Variants in MICAL2 observed in about 807,000 individuals in gnomAD.
MICAL2 encodes [F-actin]-monooxygenase MICAL2.
A neutral mutation model predicts 127.3 loss-of-function variants in MICAL2; 77 were observed. That is an observed-to-expected ratio of 0.60 (90% CI 0.50 to 0.73). MICAL2 has a LOEUF of 0.73. Among genes scored for constraint, MICAL2 ranks in the 30% least tolerant of loss-of-function variants. The pLI, the probability that MICAL2 is intolerant of heterozygous loss-of-function variation, is 0.00. For synonymous variants in MICAL2, 570 were observed against 551.1 expected, an observed-to-expected ratio of 1.03 and a Z score of -0.48; for missense variants, 1,351 against 1,434.4, an observed-to-expected ratio of 0.94 and a Z score of 0.94.
At chr11:12,118,919 G>GACACTGGT in intron 1 of MICAL2, among the ~76,000 whole-genome samples, 1 of 152,270 alleles carries the variant, frequency 6.6e-6, no homozygotes. Context: ...CAGAATGAAT[G>GACACTGGT]ACACTGGTAT....
chr11:12,134,673 A>G (rs1851697145), intron 1 of MICAL2, among the ~76,000 whole-genome samples: 1 of 152,172 alleles, frequency 6.6e-6, no homozygotes, highest in Non-Finnish European at 1.5e-5. Context: ...TTTGGTTTCA[A>G]GGCACAGAAA....
intron 32 of MICAL2, among the ~76,000 whole-genome samples, chr11:12,341,524 T>A (rs537538037): frequency 6.6e-5 from 10 of 152,194 alleles, no homozygotes; most frequent in Admixed American, 3.9e-4. Flanking sequence ...TCTACTACTA[T>A]CTATTCCAAA....
chr11:12,293,576 C>G, downstream of MICAL2: 1 of 1,609,576 alleles, frequency 6.2e-7, no homozygotes, highest in Non-Finnish European at 8.5e-7. Flanking sequence ...AGCTTCTGAG[C>G]CCCTCTCGCA....
At chr11:12,158,539 A>T (rs1854439441) in intron 2 of MICAL2, among the ~76,000 whole-genome samples, 1 of 152,200 alleles carries the variant, frequency 6.6e-6, no homozygotes, top group African/African-American at 2.4e-5. Flanking sequence ...TGTACTGAAT[A>T]TGTACAGGCT....
chr11:12,312,240 TTCTTA>T (rs1864182689), intron 29 of MICAL2, among the ~76,000 whole-genome samples: 1 of 151,980 alleles, frequency 6.6e-6, no homozygotes, highest in South Asian at 2.1e-4. Context: ...TCATAATCTG[TTCTTA>T]TCTTGATTAT....
At position 12,242,371 on chromosome 11, in the gene MICAL2, G is replaced by A. The variant is rs1468795337; in HGVS notation, c.2495G>A (p.Arg832Lys). 7 of 1,614,018 alleles carry A rather than the reference G, an allele frequency of 4.3e-6. No individual in the cohort carries two copies. The South Asian group carries it at 6.6e-5, about 15-fold the overall frequency. The change falls in exon 19 of 28, where the codon AGG (arginine) becomes AAG (lysine). Residue 832 changes from arginine to lysine, a missense_variant. By Grantham distance (26) the Arg-to-Lys change is conservative (BLOSUM62 2). Coordinates refer to ENST00000683283, the MANE Select transcript of MICAL2 (RefSeq NM_001282663.2). Reference protein sequence around the residue: ...NFATLPSTRPRAQALSGVLWR... With the variant: ...NFATLPSTRPKAQALSGVLWR... The stretch of plus-strand genomic sequence containing the variant: ...GCTACCCTGCCTTCTACCCGCCCGA[G>A]GGCGCAGGCTCTTTCCGGGGTGCTG...
At chr11:12,294,048 C>G (rs1411450638), downstream of MICAL2, 3 of 1,614,044 alleles carry the variant, frequency 1.9e-6, no homozygotes, top group African/African-American at 2.7e-5. Flanking sequence ...CACCTCAAAG[C>G]TGGGGAGCGA....
intron 22 of MICAL2, 135 bp downstream of exon 22, chr11:12,249,381 G>A: frequency 1.6e-6 from 1 of 618,446 alleles, no homozygotes; most frequent in Non-Finnish European, 2.9e-6. Context: ...ACGAAGGTGG[G>A]CAGACATGTG....
intron 32 of MICAL2, among the ~76,000 whole-genome samples, chr11:12,342,661 G>C (rs1938885701): frequency 1.3e-5 from 2 of 152,222 alleles, no homozygotes; most frequent in African/African-American, 4.8e-5. Flanking sequence ...GCTTAGCCAA[G>C]CACAATGCTA....
intron 5 of MICAL2, 75 bp downstream of exon 5, chr11:12,208,214 G>T: frequency 2.5e-6 from 3 of 1,211,978 alleles, no homozygotes; most frequent in Non-Finnish European, 3.6e-6. Flanking sequence ...GCTTCCAAAG[G>T]GTGTTTCTGT....
chr11:12,227,718 C>G (rs1289036478), intron 15 of MICAL2, among the ~76,000 whole-genome samples: 8 of 152,240 alleles, frequency 5.3e-5, no homozygotes, highest in Admixed American at 5.2e-4. Context: ...ACTTTCTCAA[C>G]TTATAGCACC....
intron 2 of MICAL2, among the ~76,000 whole-genome samples, chr11:12,156,093 C>T (rs1854158132): frequency 1.3e-5 from 2 of 152,258 alleles, no homozygotes; most frequent in South Asian, 4.1e-4. Flanking sequence ...AGTGAAGGAG[C>T]GGGCATAGAA....
At chr11:12,202,412 G>A (rs997968260) in intron 3 of MICAL2, among the ~76,000 whole-genome samples, 15 of 152,164 alleles carry the variant, frequency 9.9e-5, no homozygotes, top group Non-Finnish European at 2.2e-4. Flanking sequence ...GCTGCTTTGT[G>A]CCTCAATTTC....
At chr11:12,229,760 T>C (rs1857965081) in intron 15 of MICAL2, among the ~76,000 whole-genome samples, 2 of 152,236 alleles carry the variant, frequency 1.3e-5, no homozygotes, top group Non-Finnish European at 2.9e-5. Flanking sequence ...TCCCTCTGGC[T>C]CTGCTAGAAA....
intron 3 of MICAL2, among the ~76,000 whole-genome samples, chr11:12,167,427 C>A (rs566958610): frequency 3.5e-4 from 54 of 152,258 alleles, no homozygotes; most frequent in African/African-American, 1.1e-3. Flanking sequence ...CAGTTTCCTC[C>A]GTAGATCACA....
chr11:12,308,521 G>A (rs1176658642), intron 29 of MICAL2, among the ~76,000 whole-genome samples: 1 of 151,950 alleles, frequency 6.6e-6, no homozygotes, highest in Non-Finnish European at 1.5e-5. Context: ...TGTTTTTGTT[G>A]CCATTGTAAA....
At chr11:12,186,751 A>T (rs909013475) in intron 3 of MICAL2, among the ~76,000 whole-genome samples, 2 of 152,132 alleles carry the variant, frequency 1.3e-5, no homozygotes, top group Non-Finnish European at 2.9e-5. Context: ...GACTCTGAAC[A>T]TATTGGGCCA....
In MICAL2 at chr11:12,127,244, G is replaced by A. The variant is rs377211287; in HGVS notation, c.-148-11146G>A. Among the ~76,000 whole-genome samples the A allele has an allele frequency of 3.9e-5, 6 of 152,150 alleles. No homozygotes were observed. In the East Asian group the frequency reaches 9.6e-4, roughly 24 times the overall value. ...AGGCATCTCTAGCCTCCAGCCTCCTGGAGCCATTCTTTCACCATTGCTCTA... is the reference window on the plus strand; with the variant it reads ...AGGCATCTCTAGCCTCCAGCCTCCTAGAGCCATTCTTTCACCATTGCTCTA... On this transcript the variant is annotated intron_variant, in intron 1 of 27. Transcript: ENST00000683283.
chr11:12,289,299 C>T (rs891756413), downstream of MICAL2, among the ~76,000 whole-genome samples: 1 of 152,220 alleles, frequency 6.6e-6, no homozygotes, highest in Non-Finnish European at 1.5e-5. Context: ...CAAGGCAGCC[C>T]CCGGTGGGCC....
Sources: gnomAD v4.1 joint callset for allele counts (sites outside exome capture counted in the v4.1 genomes callset) on GRCh38, gnomAD v4.1.1 for gene constraint, MANE v1.5 for transcripts, NCBI Gene and HGNC (gene_info 2026-07-23, HGNC 2026-07-21) for gene names.